Variants in KRABD4 observed in about 807,000 individuals in gnomAD.
KRABD4 encodes KRAB domain-containing protein 4.
the KRABD4 span, among the ~76,000 whole-genome samples, chrX:46,450,758 A>G: frequency 2.1e-5 from 2 of 96,212 alleles, no homozygotes; most frequent in Non-Finnish European, 4.0e-5. Flanking sequence ...GCTGGAGTGC[A>G]GTGGTGCAAT....
chrX:46,461,245 G>T, the KRABD4 span, among the ~76,000 whole-genome samples: 1 of 110,811 alleles, frequency 9.0e-6, no homozygotes, highest in Non-Finnish European at 1.9e-5. Flanking sequence ...TAAGTAACTG[G>T]GCCCATCTTT....
At chrX:46,473,647 C>A in the KRABD4 span, 2 of 249,003 alleles carry the variant, frequency 8.0e-6, no homozygotes, top group Non-Finnish European at 1.3e-5. Context: ...GGATGCAAAT[C>A]AGTGAATCTT....
the KRABD4 span, chrX:46,448,613 G>A: frequency 1.8e-5 from 2 of 113,445 alleles, no homozygotes; most frequent in Non-Finnish European, 3.7e-5. Context: ...CCGTGTGACA[G>A]TGCAGTTTGA....
At chrX:46,459,206 C>A in the KRABD4 span, among the ~76,000 whole-genome samples, 3 of 108,680 alleles carry the variant, frequency 2.8e-5, no homozygotes, top group Non-Finnish European at 5.7e-5. Context: ...CCCACCTACT[C>A]ATGAGGCTGA....
the KRABD4 span, chrX:46,456,870 A>G: frequency 1.5e-5 from 6 of 403,353 alleles, no homozygotes; most frequent in Admixed American, 9.3e-5. Flanking sequence ...TCGGAATCCA[A>G]TATCCAACTT....
At chrX:46,450,705 C>CTTTTT in the KRABD4 span, among the ~76,000 whole-genome samples, 1 of 88,431 alleles carries the variant, frequency 1.1e-5, no homozygotes, top group Non-Finnish European at 2.3e-5. Flanking sequence ...TTTTCTTTCT[C>CTTTTT]TTTTTTTTTT....
chrX:46,470,693 TC>T, the KRABD4 span, among the ~76,000 whole-genome samples: 5 of 110,403 alleles, frequency 4.5e-5, no homozygotes, highest in South Asian at 1.9e-3. Context: ...GCTATAAATA[TC>T]CCTCTAATTG....
chrX:46,452,031 C>T, the KRABD4 span, among the ~76,000 whole-genome samples: 2 of 111,981 alleles, frequency 1.8e-5, no homozygotes, highest in South Asian at 3.7e-4. Flanking sequence ...CTGCAACCTC[C>T]GCCTCCCAGA....
chrX:46,460,119 C>T, the KRABD4 span, among the ~76,000 whole-genome samples: 3,279 of 111,956 alleles, frequency 0.029, 107 homozygotes, highest in African/African-American at 0.099. Flanking sequence ...TGAGTTTCCC[C>T]TATTTGTTAT....
At chrX:46,469,795 T>C in the KRABD4 span, among the ~76,000 whole-genome samples, 2 of 111,882 alleles carry the variant, frequency 1.8e-5, no homozygotes, top group African/African-American at 6.5e-5. Context: ...CAAAAGCATT[T>C]ACTCTCTTAC....
At chrX:46,461,479 G>A in the KRABD4 span, among the ~76,000 whole-genome samples, 275 of 111,347 alleles carry the variant, frequency 2.5e-3, no homozygotes, top group East Asian at 6.7e-3. Context: ...CCTCTGGCAC[G>A]CTGGCTTTCC....
At chrX:46,449,428 T>C in the KRABD4 span, among the ~76,000 whole-genome samples, 1 of 112,176 alleles carries the variant, frequency 8.9e-6, no homozygotes, top group Non-Finnish European at 1.9e-5. Context: ...GTTTGATAAG[T>C]GGTGATTTTT....
At chrX:46,466,222 GTT>G in the KRABD4 span, among the ~76,000 whole-genome samples, 291 of 111,664 alleles carry the variant, frequency 2.6e-3, no homozygotes, top group Middle Eastern at 9.3e-3. Context: ...CCATTTTTCT[GTT>G]TTATTGATTT....
chrX:46,451,443 C>T, the KRABD4 span, among the ~76,000 whole-genome samples: 1 of 112,114 alleles, frequency 8.9e-6, no homozygotes, highest in South Asian at 3.8e-4. Flanking sequence ...ATTTCTATCT[C>T]ATAGTATGGA....
chrX:46,465,611 T>G, the KRABD4 span, among the ~76,000 whole-genome samples: 1 of 112,826 alleles, frequency 8.9e-6, no homozygotes, highest in East Asian at 2.7e-4. Flanking sequence ...AAAAACAGTT[T>G]TTTTTAATTT....
At chrX:46,457,073 C>A in the KRABD4 span, 1 of 368,183 alleles carries the variant, frequency 2.7e-6, no homozygotes, top group African/African-American at 2.6e-5. Context: ...TGTTGTCCCT[C>A]CGTGGCGCAT....
chrX:46,473,000 GA>G, the KRABD4 span: 8 of 1,209,456 alleles, frequency 6.6e-6, no homozygotes, highest in Non-Finnish European at 6.7e-6. Context: ...AGCTATGTAA[GA>G]AAGAAAGATG....
chrX:46,466,462 C>A, the KRABD4 span, among the ~76,000 whole-genome samples: 1 of 112,000 alleles, frequency 8.9e-6, no homozygotes, highest in Non-Finnish European at 1.9e-5. Flanking sequence ...ATTCCTCTGT[C>A]CTTCCATCAA....
the KRABD4 span, chrX:46,473,831 TTAG>T: frequency 7.8e-6 from 1 of 128,994 alleles, no homozygotes; most frequent in East Asian, 2.1e-4. Context: ...ATTTGTATTT[TTAG>T]TAGAGACAGG....
Sources: allele counts gnomAD v4.1 joint callset (sites outside exome capture counted in the v4.1 genomes callset), GRCh38; gene constraint gnomAD v4.1.1; transcripts MANE v1.5; gene names NCBI Gene and HGNC (gene_info 2026-07-23, HGNC 2026-07-21).